The following GPATCH2L variants were observed in gnomAD, a reference collection of about 807,000 sequenced individuals.
The protein encoded by GPATCH2L is G-patch domain containing 2 like, also known as G patch domain-containing protein 2-like.
In GPATCH2L, 31 loss-of-function variants were observed where a neutral mutation model predicts 57.4. The ratio of observed to expected loss-of-function variants is 0.54; its 90% confidence interval spans 0.41 to 0.73. The LOEUF is 0.73. Ranked by LOEUF, GPATCH2L falls within the 30% of genes least tolerant of loss-of-function variation. GPATCH2L has a pLI of 0.00. For missense variants in GPATCH2L, 481 were observed against 599.9 expected (o/e 0.80, Z 2.07); for synonymous variants, 199 against 210.7 (o/e 0.94, Z 0.48).
At chr14:76,216,295 C>G (rs963616478), downstream of GPATCH2L, among the ~76,000 whole-genome samples, 16 of 152,122 alleles carry the variant, frequency 1.1e-4, no homozygotes, top group African/African-American at 3.4e-4. Context: ...AGAGTTGGGC[C>G]TCAAATTTAT....
intron 2 of GPATCH2L, among the ~76,000 whole-genome samples, chr14:76,157,475 G>T (rs1482311770): frequency 6.6e-6 from 1 of 152,174 alleles, no homozygotes; most frequent in African/African-American, 2.4e-5. Context: ...ATTTTTAAAA[G>T]AAATACTTTC....
At chr14:76,222,332 C>T (rs1171226206) in intron 1 of GPATCH2L, among the ~76,000 whole-genome samples, 1 of 152,224 alleles carries the variant, frequency 6.6e-6, no homozygotes, top group Non-Finnish European at 1.5e-5. Context: ...GAAGGCTGGG[C>T]ATGGTGGCTC....
chr14:76,209,779 G>C lies in GPATCH2L; in HGVS notation c.*7928G>C, dbSNP rs986124347. 6.6e-6 allele frequency: 1 copy of C among 152,196 alleles called. No homozygotes were observed. The highest frequency in any genetic ancestry group is 2.1e-4 in the South Asian group (1 of 4,828). The allele number at this position is 152,196 out of a possible 1,614,324, so 9.4% of individuals were successfully genotyped here. A position where few individuals can be genotyped will look rare whatever the true frequency, so the allele number is the denominator to read the frequency against. ...GAAACTTGGGGTTCCACTTTCATCA[G>C]ATGTGACCCTGTGTGTTCCTGATGT... On this transcript the variant is annotated 3_prime_UTR_variant, in exon 10 of 10. Coordinates refer to ENST00000261530, the MANE Select transcript of GPATCH2L (RefSeq NM_017926.4).
intron 8 of GPATCH2L, among the ~76,000 whole-genome samples, chr14:76,193,710 A>G (rs1382199309): frequency 2.6e-5 from 4 of 152,172 alleles, no homozygotes; most frequent in Admixed American, 1.3e-4. Flanking sequence ...CCACTGCTGT[A>G]GAGTGCCACC....
chr14:76,232,364 A>T (rs1364070484), intron 2 of GPATCH2L, among the ~76,000 whole-genome samples: 1 of 151,948 alleles, frequency 6.6e-6, no homozygotes, highest in Non-Finnish European at 1.5e-5. Context: ...CAATGGCGCC[A>T]TCTCGGCTCA....
intron 1 of GPATCH2L, among the ~76,000 whole-genome samples, chr14:76,219,545 C>T (rs961394596): frequency 1.3e-5 from 2 of 152,030 alleles, no homozygotes; most frequent in Non-Finnish European, 2.9e-5. Flanking sequence ...GGAATTTGTC[C>T]TACAGATACA....
rs1412279244 is a variant in GPATCH2L at position 76,212,849 on chromosome 14, A to T, written c.*10998A>T. ...GTGGTCAGAAAAAAAAATGCAATAAATTAAAGCCAGAAAACACTGCTCATC... is the reference window on the plus strand; with the variant it reads ...GTGGTCAGAAAAAAAAATGCAATAATTTAAAGCCAGAAAACACTGCTCATC... On this transcript the variant is annotated 3_prime_UTR_variant, in exon 10 of 10. Transcript: ENST00000261530. 1 of 152,158 alleles carries T rather than the reference A, an allele frequency of 6.6e-6. No individual in the cohort carries two copies. Among genetic ancestry groups the T allele is most frequent in the Non-Finnish European group, 1.5e-5 (1 of 68,004 alleles). The allele number at this position is 152,158 out of a possible 1,614,324, so 9.4% of individuals were successfully genotyped here. A position where few individuals can be genotyped will look rare whatever the true frequency, so the allele number is the denominator to read the frequency against.
intron 5 of GPATCH2L, chr14:76,173,840 A>C: frequency 3.9e-6 from 2 of 507,866 alleles, no homozygotes; most frequent in East Asian, 5.8e-5. Flanking sequence ...GTACTGACAA[A>C]AAAAAAAAAC....
At chr14:76,220,004 TC>T (rs752877423) in intron 1 of GPATCH2L, among the ~76,000 whole-genome samples, 1 of 152,170 alleles carries the variant, frequency 6.6e-6, no homozygotes, top group Non-Finnish European at 1.5e-5. Context: ...ATCAGGCAAA[TC>T]GTGCATGAAA....
chr14:76,187,635 A>G (rs1759773049), intron 8 of GPATCH2L, among the ~76,000 whole-genome samples: 1 of 152,060 alleles, frequency 6.6e-6, no homozygotes, highest in African/African-American at 2.4e-5. Flanking sequence ...GGTACATGAG[A>G]TGGTTTGATA....
Position 76,192,119 on chromosome 14 carries a change from C to CTT in GPATCH2L, c.1194-3742_1194-3741dup, listed in dbSNP as rs550626099. On this transcript the variant is annotated intron_variant, in intron 8 of 9. Coordinates refer to ENST00000261530, the MANE Select transcript of GPATCH2L (RefSeq NM_017926.4). The stretch of plus-strand genomic sequence containing the variant: ...GTTGCTGTGAATGACAGGACTTACT[C>CTT]TTTTTTTTTTTTTTTTTTAAACGCC... Among the ~76,000 whole-genome samples, 550 of 136,600 alleles carry CTT rather than the reference C, an allele frequency of 4.0e-3. 2 individuals carry two copies. Among genetic ancestry groups the CTT allele is most frequent in the African/African-American group, 0.014 (510 of 37,192 alleles). The allele number at this position is 136,600 out of a possible 152,430, so 89.6% of individuals were successfully genotyped here.
chr14:76,171,592 A>T (rs1458947178), intron 3 of GPATCH2L, among the ~76,000 whole-genome samples: 3 of 151,506 alleles, frequency 2.0e-5, no homozygotes, highest in Non-Finnish European at 4.4e-5. Flanking sequence ...CCAAAAAAAT[A>T]AAAAAATAGC....
intron 2 of GPATCH2L, among the ~76,000 whole-genome samples, chr14:76,162,183 AGGCTCGACTAG>A (rs1292195833): frequency 6.6e-6 from 1 of 152,204 alleles, no homozygotes; most frequent in Non-Finnish European, 1.5e-5. Context: ...AGTTCTCTCA[AGGCTCGACTAG>A]GGCTGAAGGA....
At chr14:76,198,547 C>G (rs765445211) in intron 9 of GPATCH2L, among the ~76,000 whole-genome samples, 86 of 152,144 alleles carry the variant, frequency 5.7e-4, no homozygotes, top group Non-Finnish European at 8.4e-4. Flanking sequence ...TTGAGGTGAT[C>G]AGAAATTCTG....
chr14:76,180,946 A>T lies in GPATCH2L; in HGVS notation c.1193+97A>T, dbSNP rs982668676. 4.0e-6 allele frequency: 3 copies of T among 745,708 alleles called. No homozygotes were observed. The African/African-American group carries it at 5.3e-5, about 13-fold the overall frequency. 46.2% of individuals were successfully genotyped at this position (745,708 alleles called of 1,614,324 possible). A position where few individuals can be genotyped will look rare whatever the true frequency, so the allele number is the denominator to read the frequency against. On this transcript the variant is annotated intron_variant, in intron 8 of 9. Transcript: ENST00000261530. ...TAGAGTATGCTTGTGTACAGTATCC[A>T]ATTTGATCCTGACAATCTTTTGAGG... is the stretch of plus-strand genomic sequence containing the variant.
rs1440363049 is a variant in GPATCH2L, at chr14:76,206,873, T to G, written c.*5022T>G. 1 of 152,234 alleles carries G rather than the reference T, an allele frequency of 6.6e-6. No homozygotes were observed. Among genetic ancestry groups the G allele is most frequent in the African/African-American group, 2.4e-5 (1 of 41,454 alleles). 9.4% of individuals were successfully genotyped at this position (152,234 alleles called of 1,614,324 possible). ...ATATTCCCTCCATAAGTAAAGAGAT[T>G]TTTTTTGTATAATTCTTTGCAGAAA... On this transcript the variant is annotated 3_prime_UTR_variant, in exon 10 of 10. Transcript: ENST00000261530.
At chr14:76,222,968 A>AAAAG (rs1249868651) in intron 1 of GPATCH2L, among the ~76,000 whole-genome samples, 1 of 150,352 alleles carries the variant, frequency 6.7e-6, no homozygotes, top group African/African-American at 2.4e-5. Context: ...AAAAAAAAAA[A>AAAAG]AAAGAAAGAA....
intron 9 of GPATCH2L, chr14:76,196,197 A>T (rs888404434): frequency 3.0e-6 from 2 of 656,506 alleles, no homozygotes; most frequent in Non-Finnish European, 5.5e-6. Context: ...GAAACCCTAT[A>T]TTCCACTATC....
chr14:76,172,498 C>G (rs925477181), intron 4 of GPATCH2L, among the ~76,000 whole-genome samples: 1 of 152,054 alleles, frequency 6.6e-6, no homozygotes, highest in African/African-American at 2.4e-5. Flanking sequence ...AAATATGTTT[C>G]CTTTTCCCTT....
Sources: allele counts gnomAD v4.1 joint callset (sites outside exome capture counted in the v4.1 genomes callset), GRCh38; gene constraint gnomAD v4.1.1; transcripts MANE v1.5; gene names NCBI Gene and HGNC (gene_info 2026-07-23, HGNC 2026-07-21).